PTPRD: variants seen among roughly 807,000 people sequenced by gnomAD.
The protein encoded by PTPRD is protein tyrosine phosphatase receptor type D.
PTPRD carries 34 observed loss-of-function variants against 214.5 expected under a neutral mutation model. The observed-to-expected ratio is 0.16, with a 90% confidence interval of 0.12 to 0.21. The LOEUF is 0.21. Among genes scored for constraint, PTPRD ranks in the 10% least tolerant of loss-of-function variants. The probability of loss-of-function intolerance (pLI) is 1.00; values close to 1 mark genes in which losing one functional copy is unlikely to be tolerated. For synonymous variants in PTPRD, 1,128 were observed against 845.7 expected (o/e 1.33, Z -5.79); for missense variants, 2,545 against 2,398.7 (o/e 1.06, Z -1.27).
intron 10 of PTPRD, among the ~76,000 whole-genome samples, chr9:9,020,422 A>G (rs572477843): frequency 6.6e-6 from 1 of 152,304 alleles, no homozygotes; most frequent in East Asian, 1.9e-4. Flanking sequence ...TTGGACCACC[A>G]TAATGACAGT....
At chr9:9,137,730 C>T (rs2099853197) in intron 10 of PTPRD, among the ~76,000 whole-genome samples, 1 of 152,064 alleles carries the variant, frequency 6.6e-6, no homozygotes, top group Non-Finnish European at 1.5e-5. Context: ...TTGTACTTTG[C>T]TTAAAAGTGT....
chr9:9,847,484 C>T (rs1599635437), intron 5 of PTPRD, among the ~76,000 whole-genome samples: 1 of 152,066 alleles, frequency 6.6e-6, no homozygotes, highest in Admixed American at 6.6e-5. Flanking sequence ...GTTTAATTTG[C>T]ACTAACTTTT....
At chr9:10,237,175 T>C (rs1351163934) in intron 3 of PTPRD, among the ~76,000 whole-genome samples, 1 of 151,684 alleles carries the variant, frequency 6.6e-6, no homozygotes, top group African/African-American at 2.4e-5. Flanking sequence ...TATGCATGGG[T>C]TGGTGTAGGA....
chr9:9,575,717 C>CAAAAAAAAAAAAAAAAAAAAAAA (rs757614546), intron 7 of PTPRD, among the ~76,000 whole-genome samples: 27 of 33,314 alleles, frequency 8.1e-4, no homozygotes, highest in Admixed American at 1.2e-3. Context: ...AAGACTGTCT[C>CAAAAAAAAAAAAAAAAAAAAAAA]AAAAAAAAAA....
intron 21 of PTPRD, among the ~76,000 whole-genome samples, chr9:8,513,148 A>G (rs2097715107): frequency 6.6e-6 from 1 of 152,052 alleles, no homozygotes; most frequent in Non-Finnish European, 1.5e-5. Flanking sequence ...AACTGAGAAG[A>G]TTGACCCATA....
intron 5 of PTPRD, among the ~76,000 whole-genome samples, chr9:9,811,681 T>G (rs899060752): frequency 6.6e-6 from 1 of 152,194 alleles, no homozygotes; most frequent in African/African-American, 2.4e-5. Context: ...CACTCCAGCC[T>G]GGGTGACAGA....
intron 37 of PTPRD, among the ~76,000 whole-genome samples, chr9:8,380,156 T>C (rs1307812066): frequency 3.3e-5 from 5 of 152,174 alleles, no homozygotes; most frequent in African/African-American, 1.2e-4. Flanking sequence ...GTTATTAATT[T>C]CAGCAGATAC....
At chr9:8,524,779 C>T (rs533357018) in intron 18 of PTPRD, 146 bp downstream of exon 18, 1 of 784,490 alleles carries the variant, frequency 1.3e-6, no homozygotes, top group South Asian at 1.4e-5. Flanking sequence ...AAATTTTTAA[C>T]TTTTCTATTT....
intron 4 of PTPRD, among the ~76,000 whole-genome samples, chr9:9,973,624 T>G (rs772288602): frequency 5.3e-5 from 8 of 152,190 alleles, no homozygotes; most frequent in Non-Finnish European, 1.2e-4. Context: ...TCTCTTTATA[T>G]CTGTAAAGAC....
chr9:9,094,479 A>T (rs752668108), intron 10 of PTPRD, among the ~76,000 whole-genome samples: 8 of 152,132 alleles, frequency 5.3e-5, no homozygotes, highest in Non-Finnish European at 7.4e-5. Context: ...GGAGGACACA[A>T]AGGCATAAGA....
chr9:10,248,057 T>C (rs916415824), intron 3 of PTPRD, among the ~76,000 whole-genome samples: 1 of 152,150 alleles, frequency 6.6e-6, no homozygotes, highest in African/African-American at 2.4e-5. Flanking sequence ...CCTGCTGCCA[T>C]GTGAAATGTG....
At chr9:9,805,674 G>C (rs1238253493) in intron 5 of PTPRD, among the ~76,000 whole-genome samples, 11 of 152,066 alleles carry the variant, frequency 7.2e-5, no homozygotes, top group South Asian at 6.2e-4. Flanking sequence ...TTCAGTGAAA[G>C]CTAGATCCTA....
chr9:9,298,128 G>A (rs1053039090), intron 9 of PTPRD, among the ~76,000 whole-genome samples: 4 of 151,658 alleles, frequency 2.6e-5, no homozygotes, highest in African/African-American at 9.7e-5. Flanking sequence ...CTGATAGAAA[G>A]AGTGAAGTCA....
chr9:9,732,782 C>T (rs1268668515), intron 7 of PTPRD, among the ~76,000 whole-genome samples: 1 of 151,992 alleles, frequency 6.6e-6, no homozygotes, highest in African/African-American at 2.4e-5. Flanking sequence ...TTGATGAATA[C>T]TTTTAAAAAT....
rs71270610 is a variant in PTPRD at position 10,363,991 on chromosome 9, G to GT, written c.-599-22975dup. ...ATTATTATTGCCTCCACATTTTCGG[G>GT]TTTTTTTTTTTTTTTTTTTTTTTTT... is the stretch of plus-strand genomic sequence containing the variant. On this transcript the variant is annotated intron_variant, in intron 2 of 45. Coordinates refer to ENST00000381196, the MANE Select transcript of PTPRD (RefSeq NM_002839.4). Among the ~76,000 whole-genome samples, 60 of 35,122 alleles carry GT rather than the reference G, an allele frequency of 1.7e-3. 3 individuals are homozygous for GT. Among genetic ancestry groups the GT allele is most frequent in the Admixed American group, 2.3e-3 (8 of 3,512 alleles). The allele number at this position is 35,122 out of a possible 152,430, so 23.0% of individuals were successfully genotyped here.
At chr9:9,598,953 C>T (rs1032225239) in intron 7 of PTPRD, among the ~76,000 whole-genome samples, 1 of 151,910 alleles carries the variant, frequency 6.6e-6, no homozygotes, top group Admixed American at 6.6e-5. Flanking sequence ...GTTCTTGGTT[C>T]CTAAGCCCCT....
At chr9:9,248,239 CCCA>C (rs1450804633) in intron 9 of PTPRD, among the ~76,000 whole-genome samples, 2 of 151,556 alleles carry the variant, frequency 1.3e-5, no homozygotes, top group Non-Finnish European at 2.9e-5. Context: ...ATTACAGGCG[CCCA>C]CCACAATACT....
chr9:8,364,716 C>T (rs1177543847), intron 39 of PTPRD, among the ~76,000 whole-genome samples: 2 of 152,336 alleles, frequency 1.3e-5, no homozygotes, highest in South Asian at 2.1e-4. Context: ...ACATCTTCTC[C>T]ATCTCCCTTT....
intron 11 of PTPRD, among the ~76,000 whole-genome samples, chr9:8,986,847 T>C (rs940950969): frequency 6.6e-6 from 1 of 152,118 alleles, no homozygotes; most frequent in African/African-American, 2.4e-5. Flanking sequence ...CTTGCAGTTA[T>C]TGAAGTTTTT....
Sources: gnomAD v4.1 joint callset for allele counts (sites outside exome capture counted in the v4.1 genomes callset) on GRCh38, gnomAD v4.1.1 for gene constraint, MANE v1.5 for transcripts, NCBI Gene and HGNC (gene_info 2026-07-23, HGNC 2026-07-21) for gene names.